Variants in FHAD1 observed in about 807,000 individuals in gnomAD.
FHAD1 encodes forkhead associated phosphopeptide binding domain 1.
In FHAD1, 146 loss-of-function variants were observed where a neutral mutation model predicts 191.3. The observed-to-expected ratio is 0.76, with a 90% CI of 0.67 to 0.88. FHAD1 has a LOEUF of 0.88. Among genes scored for constraint, FHAD1 ranks in the 40% least tolerant of loss-of-function variants. The pLI, the probability that FHAD1 is intolerant of heterozygous loss-of-function variation, is 0.00. For synonymous variants in FHAD1, 616 were observed against 672.3 expected (o/e 0.92, Z 1.29); for missense variants, 1,635 against 1,785.8 (o/e 0.92, Z 1.52).
At chr1:15,361,805 G>T (rs1694894018) in intron 22 of FHAD1, among the ~76,000 whole-genome samples, 1 of 151,882 alleles carries the variant, frequency 6.6e-6, no homozygotes. Flanking sequence ...AAGAGATCGA[G>T]ACCATCCTGG....
chr1:15,263,756 C>T (rs545000199), intron 2 of FHAD1, among the ~76,000 whole-genome samples: 2 of 152,080 alleles, frequency 1.3e-5, no homozygotes, highest in South Asian at 2.1e-4. Flanking sequence ...CTCCTGACCT[C>T]GTGATCTGCC....
At chr1:15,317,095 G>A (rs1674691048) in intron 9 of FHAD1, among the ~76,000 whole-genome samples, 1 of 152,186 alleles carries the variant, frequency 6.6e-6, no homozygotes, top group African/African-American at 2.4e-5. Context: ...GGAGGCTGAG[G>A]CAGGAGAATT....
chr1:15,388,096 C>G lies in FHAD1; in HGVS notation c.4234C>G (p.Pro1412Ala). The G allele has an allele frequency of 2.3e-6, 3 of 1,289,896 alleles. No individual in the cohort carries two copies. Among genetic ancestry groups the G allele is most frequent in the Non-Finnish European group, 3.0e-6 (3 of 988,864 alleles). The allele number at this position is 1,289,896 out of a possible 1,614,324, so 79.9% of individuals were successfully genotyped here. ...HELRNAKEST[P>A]CNCAFKEKDR... ...ACTGAGAAACGCAAAAGAATCGACACCTTGCAACTGTGCCTTCAAAGAGAA... is the reference window on the plus strand; with the variant it reads ...ACTGAGAAACGCAAAAGAATCGACAGCTTGCAACTGTGCCTTCAAAGAGAA... Residue 1412 changes from proline to alanine, a missense_variant, in exon 32 of 34, where the codon CCT becomes GCT. By Grantham distance (27) the Pro-to-Ala change is conservative. Transcript: ENST00000688493.
chr1:15,308,718 G>A lies in FHAD1; in HGVS notation c.1021G>A (p.Asp341Asn), dbSNP rs750317323. The change falls in exon 7 of 34, where the codon GAC becomes AAC. Residue 341 changes from aspartate (D) to asparagine (N), a missense_variant. Coordinates refer to ENST00000688493, the MANE Select transcript of FHAD1 (RefSeq NM_001391957.1). ...GAATGAGGGCGAGAACTTAAAGAGA[G>A]ACAACGCTATCACATCAGGTGAGCC... ...LKNEGENLKR[D>N]NAITSGMVSS... The A allele has an allele frequency of 1.9e-6, 3 of 1,551,754 alleles. No homozygotes were observed. The highest frequency in any genetic ancestry group is 3.3e-4 in the Middle Eastern group (2 of 5,992).
chr1:15,392,376 C>T (rs1374685562), intron 33 of FHAD1, among the ~76,000 whole-genome samples: 1 of 151,990 alleles, frequency 6.6e-6, no homozygotes, highest in African/African-American at 2.4e-5. Context: ...ACTAAAAATA[C>T]AAAAAATTAG....
intron 9 of FHAD1, among the ~76,000 whole-genome samples, chr1:15,317,013 C>T (rs1160879920): frequency 2.0e-5 from 3 of 152,132 alleles, no homozygotes; most frequent in Non-Finnish European, 4.4e-5. Flanking sequence ...CGGTGAAACC[C>T]CGTCTCTACT....
In FHAD1 at chr1:15,276,268, A is replaced by T. The variant is rs1000441872; in HGVS notation, c.300+3739A>T. Among the ~76,000 whole-genome samples the T allele has an allele frequency of 9.9e-5, 15 of 152,178 alleles. No homozygotes were observed. Among genetic ancestry groups the T allele is most frequent in the Non-Finnish European group, 2.1e-4 (14 of 68,010 alleles). On this transcript the variant is annotated intron_variant, in intron 3 of 33. Transcript: ENST00000688493. This position sits in a 1 kb window ranked among gnomAD's most constrained non-coding sequence, Gnocchi z 4.7. ...TTGCTTAGCCCAGTATCTGGTGCCT[A>T]TGATAGCAGGAAGGTAAGAGGAGCA... is the stretch of plus-strand genomic sequence containing the variant.
intron 26 of FHAD1, among the ~76,000 whole-genome samples, chr1:15,371,928 T>A (rs1486888484): frequency 1.3e-5 from 2 of 152,220 alleles, no homozygotes; most frequent in African/African-American, 4.8e-5. Context: ...AGGCTCTGTA[T>A]TTATTGAGTA....
chr1:15,324,785 A>T (rs1042966444), intron 11 of FHAD1: 1 of 528,144 alleles, frequency 1.9e-6, no homozygotes, highest in South Asian at 2.5e-5. Flanking sequence ...GTTTACGATG[A>T]CCCGAGACCC....
rs1271140374 is a variant in FHAD1 at position 15,271,142 on chromosome 1, A to G, written c.94-1181A>G. 4.2e-4 allele frequency among the ~76,000 whole-genome samples: 34 copies of G among 80,402 alleles called. 3 individuals are homozygous for G. Among genetic ancestry groups the G allele is most frequent in the Non-Finnish European group, 6.5e-4 (25 of 38,628 alleles). 52.7% of individuals were successfully genotyped at this position (80,402 alleles called of 152,430 possible). A position where few individuals can be genotyped will look rare whatever the true frequency, so the allele number is the denominator to read the frequency against. On this transcript the variant is annotated intron_variant, in intron 2 of 33. Transcript: ENST00000688493. ...CAACAGAGCGAGACTCCATCTCGGA[A>G]AAAAAAAAAAAAAAAAAAAAATTAG... is the stretch of plus-strand genomic sequence containing the variant.
intron 6 of FHAD1, among the ~76,000 whole-genome samples, chr1:15,304,846 AAT>A (rs1222228349): frequency 6.6e-6 from 1 of 152,078 alleles, no homozygotes; most frequent in Non-Finnish European, 1.5e-5. Context: ...TCCTTCTGTT[AAT>A]TCTACCACCG....
intron 27 of FHAD1, 92 bp downstream of exon 27, chr1:15,374,723 C>A: frequency 6.8e-7 from 1 of 1,471,048 alleles, no homozygotes; most frequent in Non-Finnish European, 9.2e-7. Flanking sequence ...CATGTTTTAT[C>A]TGCATCATCC....
intron 14 of FHAD1, among the ~76,000 whole-genome samples, chr1:15,337,212 C>T (rs142912044): frequency 2.6e-5 from 4 of 152,296 alleles, no homozygotes; most frequent in South Asian, 2.1e-4. Context: ...TTGGCATGTC[C>T]GGCTCTCTGC....
In FHAD1 at chr1:15,380,691, C is replaced by T. The variant is rs2102980664; in HGVS notation, c.3706-10C>T. On this transcript the variant is annotated splice_polypyrimidine_tract_variant and intron_variant, in intron 28 of 33. Coordinates refer to ENST00000688493, the MANE Select transcript of FHAD1 (RefSeq NM_001391957.1). ...GTCAAGAGAGGCCTTTCATTTCTTT[C>T]TGATTTCAGCCTCAGAATGGCCTTT... 6.5e-7 allele frequency: 1 copy of T among 1,550,362 alleles called. No individual in the cohort carries two copies.
intron 14 of FHAD1, among the ~76,000 whole-genome samples, chr1:15,335,092 C>T (rs944808211): frequency 3.9e-5 from 6 of 152,162 alleles, no homozygotes; most frequent in Admixed American, 6.5e-5. Flanking sequence ...GGAATCCAGG[C>T]GGGGTAAACG....
At chr1:15,268,140 T>C (rs1286106814) in intron 2 of FHAD1, among the ~76,000 whole-genome samples, 3 of 128,436 alleles carry the variant, frequency 2.3e-5, no homozygotes, top group Non-Finnish European at 4.9e-5. Flanking sequence ...AGCTATCCCT[T>C]CCCCCTCCCC....
intron 6 of FHAD1, among the ~76,000 whole-genome samples, chr1:15,308,070 A>G (rs928401869): frequency 2.0e-5 from 3 of 152,188 alleles, no homozygotes; most frequent in Non-Finnish European, 4.4e-5. Context: ...TGTCTTTATC[A>G]CAGCGTGAAA....
chr1:15,299,324 C>T (rs12090769), intron 5 of FHAD1, among the ~76,000 whole-genome samples: 13,390 of 151,782 alleles, frequency 0.088, 806 homozygotes, highest in African/African-American at 0.17. Flanking sequence ...CTTGAATGAT[C>T]AGCTTCCCCT....
intron 3 of FHAD1, among the ~76,000 whole-genome samples, chr1:15,280,152 C>T (rs1434288334): frequency 6.6e-6 from 1 of 152,142 alleles, no homozygotes; most frequent in African/African-American, 2.4e-5. Context: ...TAAGTACTCC[C>T]CGTTCTTGAG....
Sources: allele counts gnomAD v4.1 joint callset (sites outside exome capture counted in the v4.1 genomes callset), GRCh38; gene constraint gnomAD v4.1.1; non-coding constraint Gnocchi (gnomAD v3.1); transcripts MANE v1.5; gene names NCBI Gene and HGNC (gene_info 2026-07-23, HGNC 2026-07-21).